CPA5: variants seen among roughly 807,000 people sequenced by gnomAD.
CPA5 encodes the protein carboxypeptidase A5, also known as testicular tissue protein Li 32.
Under a neutral mutation model 52.2 loss-of-function variants are expected in CPA5, and 38 were observed. That is an observed-to-expected ratio of 0.73 (90% CI 0.56 to 0.95). The LOEUF (loss-of-function observed/expected upper bound fraction) is 0.95, where lower values mean the gene tolerates loss of function less well. CPA5 is among the 40% of genes least tolerant of loss of function. The pLI is 0.00. For synonymous variants in CPA5, 198 were observed against 213.7 expected (o/e 0.93, Z 0.64); for missense variants, 519 against 566.7 (o/e 0.92, Z 0.86).
chr7:130,347,937 C>A, intron 4 of CPA5, 90 bp downstream of exon 4: 3 of 982,952 alleles, frequency 3.1e-6, no homozygotes, highest in Admixed American at 2.1e-5. Flanking sequence ...TTATCCCAAA[C>A]CTGCCCTCCT....
Position 130,362,531 on chromosome 7 carries a change from G to A in CPA5, c.628G>A (p.Ala210Thr), listed in dbSNP as rs201123856. Residue 210 changes from alanine (A) to threonine (T), a missense_variant, in exon 8 of 13, where the codon GCC becomes ACC. Physicochemically the swap from Ala to Thr is moderately conservative, Grantham distance 58 (BLOSUM62 0). Transcript: ENST00000474905. ...WITHATGIWT[A>T]NKIVSDYGKD... is the part of the protein sequence containing the mutation. ...CACCCATGCCACCGGCATCTGGACTGCCAATAAGGTCAGCATGGACCTGTA... is the reference window on the plus strand; with the variant it reads ...CACCCATGCCACCGGCATCTGGACTACCAATAAGGTCAGCATGGACCTGTA... The A allele has an allele frequency of 6.2e-6, 10 of 1,611,990 alleles. No homozygotes were observed. Among genetic ancestry groups the A allele is most frequent in the Non-Finnish European group, 7.6e-6 (9 of 1,178,356 alleles).
downstream of CPA5, among the ~76,000 whole-genome samples, chr7:130,370,603 G>A (rs1375292059): frequency 6.6e-6 from 1 of 152,222 alleles, no homozygotes; most frequent in Non-Finnish European, 1.5e-5. Context: ...GTTCGGAGAT[G>A]TTTCAAAAGC....
chr7:130,373,287 GTT>G (rs201294125), downstream of CPA5, among the ~76,000 whole-genome samples: 4 of 142,124 alleles, frequency 2.8e-5, no homozygotes, highest in African/African-American at 7.7e-5. Flanking sequence ...CTTGCTGGTG[GTT>G]TTTTTTTTTT....
intron 1 of CPA5, 179 bp downstream of exon 1, chr7:130,345,384 T>A (rs1171729382): frequency 6.6e-6 from 1 of 152,268 alleles, no homozygotes; most frequent in Non-Finnish European, 1.5e-5. Context: ...TGGATTCAGC[T>A]TCTGCCTTAC....
intron 6 of CPA5, 131 bp from the exon 7 acceptor site, chr7:130,361,012 A>G: frequency 1.6e-6 from 1 of 624,850 alleles, no homozygotes; most frequent in Non-Finnish European, 2.9e-6. Flanking sequence ...GGGTTCTTTT[A>G]GACCCTCGAG....
intron 5 of CPA5, 126 bp downstream of exon 5, chr7:130,350,235 TG>T: frequency 1.9e-6 from 2 of 1,028,962 alleles, no homozygotes; most frequent in South Asian, 3.2e-5. Flanking sequence ...AGCGTGTTTG[TG>T]AACATGCTGT....
intron 5 of CPA5, among the ~76,000 whole-genome samples, chr7:130,354,072 C>T (rs78221188): frequency 6.6e-6 from 1 of 151,638 alleles, no homozygotes; most frequent in East Asian, 2.0e-4. Context: ...GGACTACAGG[C>T]CCATGTCACC....
intron 4 of CPA5, 107 bp from the exon 5 acceptor site, chr7:130,349,866 AAG>A: frequency 1.5e-6 from 2 of 1,300,338 alleles, no homozygotes; most frequent in Non-Finnish European, 2.1e-6. Flanking sequence ...CCTGCGTAGA[AAG>A]AGGGTCTCTA....
downstream of CPA5, among the ~76,000 whole-genome samples, chr7:130,369,920 G>C (rs550609211): frequency 6.6e-6 from 1 of 152,366 alleles, no homozygotes; most frequent in African/African-American, 2.4e-5. Context: ...TTTGGTAGAA[G>C]AAGGGGATGG....
chr7:130,364,900 A>C (rs1199743704), intron 10 of CPA5, among the ~76,000 whole-genome samples: 4 of 152,180 alleles, frequency 2.6e-5, no homozygotes, highest in Middle Eastern at 6.4e-3. Flanking sequence ...GGGCAGGACA[A>C]TTTGATGGGT....
At chr7:130,350,163 GC>G in intron 5 of CPA5, 54 bp downstream of exon 5, 2 of 1,571,212 alleles carry the variant, frequency 1.3e-6, no homozygotes, top group Non-Finnish European at 8.6e-7. Context: ...TCTGGTTGGG[GC>G]CCAACATGGA....
intron 6 of CPA5, among the ~76,000 whole-genome samples, chr7:130,360,866 G>C (rs1795753361): frequency 6.6e-6 from 1 of 152,198 alleles, no homozygotes; most frequent in South Asian, 2.1e-4. Flanking sequence ...CTGGGGATTT[G>C]AGCAGGCTCA....
chr7:130,361,310 T>G, intron 7 of CPA5, 66 bp downstream of exon 7: 4 of 1,106,766 alleles, frequency 3.6e-6, no homozygotes, highest in Non-Finnish European at 5.5e-6. Context: ...ATTGATCTCA[T>G]ATGGGGTAGT....
At chr7:130,367,115 A>G (rs79765028) in intron 10 of CPA5, among the ~76,000 whole-genome samples, 7,405 of 152,082 alleles carry the variant, frequency 0.049, 539 homozygotes, top group African/African-American at 0.16. Flanking sequence ...GGCTGTTTCT[A>G]TCTAGAATTT....
At chr7:130,367,671 A>C in intron 11 of CPA5, 100 bp downstream of exon 11, 1 of 1,228,318 alleles carries the variant, frequency 8.1e-7, no homozygotes, top group Non-Finnish European at 1.2e-6. Context: ...CTCTGAATGC[A>C]GGGGTCTGGG....
downstream of CPA5, among the ~76,000 whole-genome samples, chr7:130,372,384 A>G (rs549373103): frequency 1.3e-5 from 2 of 152,330 alleles, no homozygotes; most frequent in East Asian, 3.9e-4. Context: ...AGTCCACCTT[A>G]CTGTGGCTTA....
At chr7:130,353,023 A>G (rs1447222069) in intron 5 of CPA5, among the ~76,000 whole-genome samples, 4 of 152,152 alleles carry the variant, frequency 2.6e-5, no homozygotes, top group African/African-American at 9.7e-5. Flanking sequence ...CTGACCATCT[A>G]GAGCAGAATA....
Position 130,367,580 on chromosome 7 carries a change from G to A in CPA5, c.1038+9G>A, listed in dbSNP as rs372883450. On this transcript the variant is annotated intron_variant, in intron 11 of 12. Transcript: ENST00000474905. Reference sequence around the variant, plus strand: ...CAAATCAGAGGGAGTTGGTGAGACTGGCTGCTTAGGGCCTGGGGAGAAGAG... The same window carrying A: ...CAAATCAGAGGGAGTTGGTGAGACTAGCTGCTTAGGGCCTGGGGAGAAGAG... 46 of 1,610,694 alleles carry A rather than the reference G, an allele frequency of 2.9e-5. No individual in the cohort carries two copies. The East Asian group carries it at 9.8e-4, about 34-fold the overall frequency.
At chr7:130,362,688 A>G (rs2117424225) in intron 8 of CPA5, 149 bp downstream of exon 8, 2 of 664,130 alleles carry the variant, frequency 3.0e-6, no homozygotes, top group Non-Finnish European at 5.2e-6. Flanking sequence ...GTGCACTCTT[A>G]CCTTTTGCAG....
Sources: gnomAD v4.1 joint callset for allele counts (sites outside exome capture counted in the v4.1 genomes callset) on GRCh38, gnomAD v4.1.1 for gene constraint, MANE v1.5 for transcripts, NCBI Gene and HGNC (gene_info 2026-07-23, HGNC 2026-07-21) for gene names.